SELENOS: variants seen among roughly 807,000 people sequenced by gnomAD.
The protein encoded by SELENOS is VCP interacting membrane selenoprotein.
SELENOS carries 37 observed loss-of-function variants against 30.2 expected under a neutral mutation model. The ratio of observed to expected loss-of-function variants is 1.23; its 90% confidence interval spans 0.94 to 1.61. SELENOS has a LOEUF of 1.61. Ranked by LOEUF, SELENOS falls within the 40% of genes most tolerant of loss-of-function variation. SELENOS has a pLI of 0.00. For missense variants in SELENOS, 289 were observed against 231.8 expected, an observed-to-expected ratio of 1.25 and a Z score of -1.60; for synonymous variants, 119 against 91.6, an observed-to-expected ratio of 1.30 and a Z score of -1.71.
intron 5 of SELENOS, 51 bp from the exon 6 acceptor site, chr15:101,272,907 T>A (rs1323982569): frequency 6.6e-7 from 1 of 1,504,184 alleles, no homozygotes; most frequent in African/African-American, 1.4e-5. Context: ...TCTGAAAATC[T>A]GGGAACATTG....
rs1031119322 is a variant in SELENOS, at chr15:101,272,812, T to G, written c.529A>C (p.Arg177=). ...GATGACGGGCCTCTGCGTCCAGGTC[T>G]CCAGGAGCAAGCTCCGCCTCCTTCA... The part of the protein sequence containing the change: ...SGEGGGACSW[R]PGRRGPSSGG... The change falls in exon 6 of 6, where the codon AGA becomes CGA. Residue 177 remains arginine, a synonymous_variant. Transcript: ENST00000526049. 2 of 1,610,706 alleles carry G rather than the reference T, an allele frequency of 1.2e-6. No individual in the cohort carries two copies. The highest frequency in any genetic ancestry group is 8.5e-7 in the Non-Finnish European group (1 of 1,178,582).
In SELENOS at chr15:101,277,269, C is replaced by A. The variant is rs368070854; in HGVS notation, c.76+73G>T. The A allele has an allele frequency of 1.2e-4, 179 of 1,522,228 alleles. No homozygotes were observed. The African/African-American group carries it at 2.1e-3, about 18-fold the overall frequency. 94.3% of individuals were successfully genotyped at this position (1,522,228 alleles called of 1,614,324 possible). ...CAGGCTCCGGCGCCCGGTGCAGCGG[C>A]GGACGACCCACCCATCATGGCTGCG... On this transcript the variant is annotated intron_variant, in intron 1 of 5. Transcript: ENST00000526049.
chr15:101,275,813 A>G (rs1196805246), intron 2 of SELENOS, among the ~76,000 whole-genome samples: 1 of 152,114 alleles, frequency 6.6e-6, no homozygotes, highest in Admixed American at 6.5e-5. Context: ...ACAGAAAAGA[A>G]AAATCCTTCC....
intron 2 of SELENOS, among the ~76,000 whole-genome samples, chr15:101,276,182 C>T (rs932977658): frequency 1.3e-5 from 2 of 151,626 alleles, no homozygotes; most frequent in African/African-American, 4.8e-5. Context: ...CTCGGCTTCC[C>T]AAAGTGCTGG....
intron 2 of SELENOS, chr15:101,276,300 G>T: frequency 1.1e-5 from 3 of 274,724 alleles, no homozygotes; most frequent in Non-Finnish European, 1.3e-5. Flanking sequence ...AGGCTGGAGT[G>T]TAGTGTGGCC....
In SELENOS at chr15:101,276,615, A is replaced by T. The variant is rs752526212; in HGVS notation, c.137T>A (p.Val46Glu). ...YIVFSCILLY[V>E]VFQKLSARLR... ...CCGGGCGGAAAGCTTCTGAAAGACC[A>T]CGTAGAGAAGGATGCAGCTGAAGAC... The change falls in exon 2 of 6, where the codon GTG (valine) becomes GAG (glutamate). Residue 46 changes from valine (V) to glutamate (E), a missense_variant. Coordinates refer to ENST00000526049, the MANE Select transcript of SELENOS (RefSeq NM_018445.6). The T allele has an allele frequency of 1.2e-5, 19 of 1,613,752 alleles. No individual in the cohort carries two copies. Among genetic ancestry groups the T allele is most frequent in the Non-Finnish European group, 1.6e-5 (19 of 1,179,866 alleles).
rs2039275191 is a variant in SELENOS, at chr15:101,272,212, TTAA to T, written c.*556_*558del. On this transcript the variant is annotated 3_prime_UTR_variant, in exon 6 of 6. Transcript: ENST00000526049. ...GTTAGAGGTTGTAATAAAAAGCTAT[TTAA>T]TGTTTGATAGACAAATTGAAGTCCA... 6.6e-6 allele frequency: 1 copy of T among 152,258 alleles called. No homozygotes were observed. The highest frequency in any genetic ancestry group is 1.5e-5 in the Non-Finnish European group (1 of 68,046). 9.4% of individuals were successfully genotyped at this position (152,258 alleles called of 1,614,324 possible). A position where few individuals can be genotyped will look rare whatever the true frequency, so the allele number is the denominator to read the frequency against.
intron 1 of SELENOS, chr15:101,276,937 A>T (rs2039334569): frequency 1.9e-6 from 1 of 527,080 alleles, no homozygotes; most frequent in Non-Finnish European, 3.4e-6. Flanking sequence ...GGTTTTGAAG[A>T]ATGAAGAGCA....
At chr15:101,277,098 G>T in intron 1 of SELENOS, 1 of 731,118 alleles carries the variant, frequency 1.4e-6, no homozygotes, top group East Asian at 2.8e-5. Context: ...CCACAGGAAG[G>T]GCTTGGTTCG....
downstream of SELENOS, chr15:101,271,675 T>G (rs765324889): frequency 6.6e-5 from 10 of 152,226 alleles, no homozygotes; most frequent in Admixed American, 1.3e-4. Flanking sequence ...TTGACTAATT[T>G]ATGTATGAGA....
intron 3 of SELENOS, 119 bp downstream of exon 3, chr15:101,275,136 G>C: frequency 1.3e-6 from 1 of 788,992 alleles, no homozygotes; most frequent in East Asian, 2.8e-5. Flanking sequence ...AATGCTTATT[G>C]AATCTAATGG....
At chr15:101,277,172 C>T in intron 1 of SELENOS, 170 bp downstream of exon 1, 1 of 1,174,568 alleles carries the variant, frequency 8.5e-7, no homozygotes, top group Non-Finnish European at 1.2e-6. Flanking sequence ...TCCCGAGAAG[C>T]CTCCGCGCAA....
At position 101,273,134 on chromosome 15, in the gene SELENOS, C is replaced by G. The variant is rs12917258; in HGVS notation, c.485-278G>C. Among the ~76,000 whole-genome samples the G allele has an allele frequency of 0.19, 29,458 of 152,082 alleles. 3,849 individuals carry two copies. The highest frequency in any genetic ancestry group is 0.29 in the Non-Finnish European group (19,606 of 67,944). On this transcript the variant is annotated intron_variant, in intron 5 of 5. Transcript: ENST00000526049. ...CAAAAGGGTCACCAAAAAACTCTCT[C>G]AAGAGGGCCTGATTTAAGTATATGA...
chr15:101,272,645 G>A lies in SELENOS; in HGVS notation c.*126C>T. The stretch of plus-strand genomic sequence containing the variant: ...GACTGGAGCCCTGACATATGCAGGT[G>A]TAGTTAGGAACAGAAATCAACCCCA... On this transcript the variant is annotated 3_prime_UTR_variant, in exon 6 of 6. Transcript: ENST00000526049. 1 of 930,166 alleles carries A rather than the reference G, an allele frequency of 1.1e-6. No homozygotes were observed. The highest frequency in any genetic ancestry group is 1.6e-5 in the African/African-American group (1 of 61,112). The allele number at this position is 930,166 out of a possible 1,614,324, so 57.6% of individuals were successfully genotyped here.
At position 101,276,563 on chromosome 15, in the gene SELENOS, C is replaced by T. The variant is rs746051604; in HGVS notation, c.189G>A (p.Leu63=). Residue 63 remains leucine (L), a synonymous_variant, in exon 2 of 6, where the codon CTG becomes CTA. Transcript: ENST00000526049. ...AACCCACAGCAGCCGCAGCTCGGTC[C>T]AGCTGCCTCTGCCTCAAGGCTCTTA... ...ARLRALRQRQ[L]DRAAAAVEPD... The T allele has an allele frequency of 3.7e-6, 6 of 1,611,982 alleles. No individual in the cohort carries two copies. The highest frequency in any genetic ancestry group is 5.1e-6 in the Non-Finnish European group (6 of 1,179,310).
chr15:101,271,729 G>A (rs995087294), downstream of SELENOS: 7 of 151,886 alleles, frequency 4.6e-5, no homozygotes, highest in African/African-American at 1.7e-4. Flanking sequence ...CTATTCTGAA[G>A]GTTAATGTTT....
Position 101,276,675 on chromosome 15 carries a change from A to C in SELENOS, c.77T>G (p.Val26Gly). ...TEGLRFLHTT[V>G]GSLLATYGWY... ...GCCATAGGTGGCCAGCAGGGAGCCC[A>C]CTGAAAAGAAAAACAGTTTTCAAAA... The change falls in exon 2 of 6, where the codon GTG becomes GGG. Residue 26 changes from valine to glycine, a missense_variant and splice_region_variant. Physicochemically the swap from Val to Gly is moderately radical, Grantham distance 109. Coordinates refer to ENST00000526049, the MANE Select transcript of SELENOS (RefSeq NM_018445.6). 1 of 1,600,294 alleles carries C rather than the reference A, an allele frequency of 6.2e-7. No individual in the cohort carries two copies. Among genetic ancestry groups the C allele is most frequent in the East Asian group, 2.2e-5 (1 of 44,824 alleles).
rs886102553 is a variant in SELENOS, at chr15:101,277,436, C to G, written c.-19G>C. ...GTTCCATGACCGCCGCCGCCGCCGC[C>G]GCCCAGCCCTGCCGCCGCGCCTCCA... is the stretch of plus-strand genomic sequence containing the variant. On this transcript the variant is annotated 5_prime_UTR_variant, in exon 1 of 6. Coordinates refer to ENST00000526049, the MANE Select transcript of SELENOS (RefSeq NM_018445.6). 1.4e-6 allele frequency: 2 copies of G among 1,447,648 alleles called. No homozygotes were observed. Among genetic ancestry groups the G allele is most frequent in the East Asian group, 3.0e-5 (1 of 33,372 alleles). The allele number at this position is 1,447,648 out of a possible 1,614,324, so 89.7% of individuals were successfully genotyped here. A position where few individuals can be genotyped will look rare whatever the true frequency, so the allele number is the denominator to read the frequency against.
chr15:101,277,137 G>C, intron 1 of SELENOS: 1 of 888,496 alleles, frequency 1.1e-6, no homozygotes, highest in Non-Finnish European at 1.8e-6. Context: ...ACAAGGGACA[G>C]CCGAGCCGCC....
Sources: allele counts gnomAD v4.1 joint callset (sites outside exome capture counted in the v4.1 genomes callset), GRCh38; gene constraint gnomAD v4.1.1; transcripts MANE v1.5; gene names NCBI Gene and HGNC (gene_info 2026-07-23, HGNC 2026-07-21).